CDK14: variants seen among roughly 807,000 people sequenced by gnomAD.
CDK14 encodes cyclin dependent kinase 14.
Under a neutral mutation model 60.7 loss-of-function variants are expected in CDK14, and 34 were observed. That is an observed-to-expected ratio of 0.56 (90% CI 0.43 to 0.75). The LOEUF is 0.75. Ranked by LOEUF, CDK14 falls within the 30% of genes least tolerant of loss-of-function variation. CDK14 has a pLI of 0.00. For missense variants in CDK14, 482 were observed against 564.1 expected, an observed-to-expected ratio of 0.85 and a Z score of 1.47; for synonymous variants, 197 against 203.7, an observed-to-expected ratio of 0.97 and a Z score of 0.28.
At position 90,680,859 on chromosome 7, in the gene CDK14, C is replaced by T. The variant is rs115888725; in HGVS notation, c.124-45708C>T. The stretch of plus-strand genomic sequence containing the variant: ...ACAAATTAGAAAATGAAAGAACTCA[C>T]TTTTAATGGTTTGAAACTTGTAGGG... On this transcript the variant is annotated intron_variant, in intron 2 of 14. Transcript: ENST00000380050. Among the ~76,000 whole-genome samples the T allele has an allele frequency of 6.8e-3, 1,037 of 152,256 alleles. 10 individuals are homozygous for T. Among genetic ancestry groups the T allele is most frequent in the African/African-American group, 0.023 (946 of 41,536 alleles).
rs112300410 is a variant in CDK14, at chr7:91,092,706, A to G, written c.1154+13226A>G. 9.8e-3 allele frequency among the ~76,000 whole-genome samples: 1,490 copies of G among 152,310 alleles called. 20 individuals carry two copies. The highest frequency in any genetic ancestry group is 0.033 in the African/African-American group (1,353 of 41,568). ...GTCAAATGCAGATTCAGATAAGCAT[A>G]GAGAGAGAAAATGAAAAGTCAAAGG... On this transcript the variant is annotated intron_variant, in intron 12 of 14. Coordinates refer to ENST00000380050, the MANE Select transcript of CDK14 (RefSeq NM_001287135.2).
chr7:91,118,739 G>T (rs1050303500), intron 14 of CDK14, among the ~76,000 whole-genome samples: 1 of 152,196 alleles, frequency 6.6e-6, no homozygotes, highest in East Asian at 1.9e-4. Context: ...CCCCAGTTTA[G>T]TTTAGCTCCC....
chr7:90,728,850 A>G (rs914811455), intron 3 of CDK14, among the ~76,000 whole-genome samples: 3 of 152,058 alleles, frequency 2.0e-5, no homozygotes, highest in Non-Finnish European at 2.9e-5. Context: ...GTGAAGACCT[A>G]GTCGTTTTAT....
chr7:90,719,630 C>G (rs547800799), intron 2 of CDK14, among the ~76,000 whole-genome samples: 1 of 152,078 alleles, frequency 6.6e-6, no homozygotes, highest in African/African-American at 2.4e-5. Context: ...AATGAGTAGA[C>G]CAAATTAATC....
intron 2 of CDK14, among the ~76,000 whole-genome samples, chr7:90,724,279 G>C (rs1192308793): frequency 2.0e-5 from 3 of 151,566 alleles, no homozygotes; most frequent in Admixed American, 1.3e-4. Flanking sequence ...TCCCATTCCT[G>C]ATAGTAATAT....
intron 8 of CDK14, among the ~76,000 whole-genome samples, chr7:90,942,105 T>C (rs1793953884): frequency 6.6e-6 from 1 of 152,190 alleles, no homozygotes; most frequent in Non-Finnish European, 1.5e-5. Context: ...TGCTCGGAGC[T>C]TAGAGGATCA....
chr7:90,804,291 A>T (rs1315579018), intron 5 of CDK14, among the ~76,000 whole-genome samples: 2 of 152,222 alleles, frequency 1.3e-5, no homozygotes, highest in South Asian at 4.1e-4. Context: ...CTTTATAATT[A>T]AAATAATATT....
chr7:91,029,110 C>T (rs1690854538), intron 10 of CDK14, among the ~76,000 whole-genome samples: 1 of 152,072 alleles, frequency 6.6e-6, no homozygotes. Flanking sequence ...ACATTCAAGT[C>T]TTTAATTCAT....
At chr7:90,813,154 A>G (rs1302951791) in intron 5 of CDK14, among the ~76,000 whole-genome samples, 2 of 152,170 alleles carry the variant, frequency 1.3e-5, no homozygotes, top group Admixed American at 1.3e-4. Flanking sequence ...GTATATACCA[A>G]GCGTATTTTG....
At position 91,181,907 on chromosome 7, in the gene CDK14, G is replaced by C. The variant is rs76204161; in HGVS notation, c.*29-25258G>C. ...TCTATCATTGTCTACAAATTGTGAG[G>C]TCACAATTTGAGTACTAAGGGTATA... is the stretch of plus-strand genomic sequence containing the variant. On this transcript the variant is annotated intron_variant, in intron 14 of 14. Coordinates refer to ENST00000380050, the MANE Select transcript of CDK14 (RefSeq NM_001287135.2). 0.033 allele frequency among the ~76,000 whole-genome samples: 4,987 copies of C among 152,136 alleles called. 717 individuals carry two copies. In the East Asian group the frequency reaches 0.48, roughly 15 times the overall value.
intron 2 of CDK14, among the ~76,000 whole-genome samples, chr7:90,612,713 A>G (rs993964591): frequency 6.8e-6 from 1 of 146,098 alleles, no homozygotes. Flanking sequence ...CGGAGGTTGC[A>G]GTGAGCCGAG....
rs71104484 is a variant in CDK14, at chr7:90,698,067, C to CAAAAA, written c.124-28482_124-28478dup. On this transcript the variant is annotated intron_variant, in intron 2 of 14. Transcript: ENST00000380050. ...TGGGTGACAGAGCAAGACTCTGTCT[C>CAAAAA]AAAAAAAAAAAAAAAAAAAAAAGAA... Among the ~76,000 whole-genome samples the CAAAAA allele has an allele frequency of 8.7e-3, 661 of 75,638 alleles. 41 individuals are homozygous for CAAAAA. Among genetic ancestry groups the CAAAAA allele is most frequent in the East Asian group, 0.021 (43 of 2,078 alleles). 49.6% of individuals were successfully genotyped at this position (75,638 alleles called of 152,430 possible).
chr7:90,675,804 C>G (rs1027668303), intron 2 of CDK14, among the ~76,000 whole-genome samples: 19 of 152,150 alleles, frequency 1.2e-4, no homozygotes, highest in African/African-American at 4.3e-4. Context: ...CAACTAAAAT[C>G]TTGCTTCTGC....
chr7:91,043,779 T>C (rs1281029111), intron 10 of CDK14, among the ~76,000 whole-genome samples: 1 of 152,154 alleles, frequency 6.6e-6, no homozygotes. Context: ...AGAATTTTTA[T>C]TTTCTCATTT....
chr7:90,999,687 T>C (rs937593617), intron 10 of CDK14, among the ~76,000 whole-genome samples: 12 of 152,206 alleles, frequency 7.9e-5, no homozygotes, highest in Admixed American at 4.6e-4. Context: ...TAAGTTGTTA[T>C]GAATTGGTTA....
In CDK14 at chr7:90,719,405, A is replaced by G. The variant is rs576461837; in HGVS notation, c.124-7162A>G. On this transcript the variant is annotated intron_variant, in intron 2 of 14. Transcript: ENST00000380050. ...AAGGGACAATTTTCAGACCGAATGA[A>G]TTCACTTGAAATGAATGCCAACCTT... Among the ~76,000 whole-genome samples the G allele has an allele frequency of 2.0e-5, 3 of 152,314 alleles. No individual in the cohort carries two copies. In the South Asian group the frequency reaches 6.2e-4, roughly 32 times the overall value.
chr7:91,178,898 G>C (rs1801882433), intron 14 of CDK14, among the ~76,000 whole-genome samples: 1 of 152,032 alleles, frequency 6.6e-6, no homozygotes, highest in African/African-American at 2.4e-5. Flanking sequence ...AAGTCAGTGT[G>C]GCGATTCCTC....
chr7:91,090,252 A>G (rs972324250), intron 12 of CDK14, among the ~76,000 whole-genome samples: 1 of 152,096 alleles, frequency 6.6e-6, no homozygotes, highest in Admixed American at 6.6e-5. Flanking sequence ...AAATCCTCCC[A>G]TTGTGTGAAC....
intron 2 of CDK14, among the ~76,000 whole-genome samples, chr7:90,657,228 G>T (rs1800770363): frequency 6.6e-6 from 1 of 152,186 alleles, no homozygotes; most frequent in Non-Finnish European, 1.5e-5. Flanking sequence ...ATGGTTTTGG[G>T]CTATTGAATA....
Sources: gnomAD v4.1 joint callset for allele counts (sites outside exome capture counted in the v4.1 genomes callset) on GRCh38, gnomAD v4.1.1 for gene constraint, MANE v1.5 for transcripts, NCBI Gene and HGNC (gene_info 2026-07-23, HGNC 2026-07-21) for gene names.